Variants in MARCHF1 observed in about 807,000 individuals in gnomAD.
MARCHF1 encodes the protein membrane associated ring-CH-type finger 1.
A neutral mutation model predicts 54.2 loss-of-function variants in MARCHF1; 40 were observed. The ratio of observed to expected loss-of-function variants is 0.74; its 90% confidence interval spans 0.57 to 0.96. The LOEUF (loss-of-function observed/expected upper bound fraction) is 0.96, where lower values mean the gene tolerates loss of function less well. MARCHF1 is among the 40% of genes least tolerant of loss of function. MARCHF1 has a pLI of 0.00. For synonymous variants in MARCHF1, 236 were observed against 236.3 expected, an observed-to-expected ratio of 1.00 and a Z score of 0.01; for missense variants, 586 against 656.5, an observed-to-expected ratio of 0.89 and a Z score of 1.17.
chr4:163,541,397 C>T (rs1349780782), intron 9 of MARCHF1, among the ~76,000 whole-genome samples: 3 of 152,172 alleles, frequency 2.0e-5, no homozygotes, highest in Non-Finnish European at 4.4e-5. Flanking sequence ...TGTTTATACA[C>T]AGATAATATA....
chr4:164,333,375 G>A (rs1303080922), intron 1 of MARCHF1, among the ~76,000 whole-genome samples: 2 of 152,094 alleles, frequency 1.3e-5, no homozygotes, highest in Non-Finnish European at 1.5e-5. Context: ...AAGTCTATCA[G>A]CACCATTTTT....
intron 4 of MARCHF1, among the ~76,000 whole-genome samples, chr4:163,804,551 G>A (rs908625906): frequency 2.0e-5 from 3 of 152,136 alleles, no homozygotes; most frequent in African/African-American, 7.2e-5. Context: ...AGACTCAGTG[G>A]TCTATAAGTA....
Position 164,274,946 on chromosome 4 carries a change from A to G in MARCHF1, c.-323+108924T>C, listed in dbSNP as rs528046416. 1.9e-3 allele frequency among the ~76,000 whole-genome samples: 282 copies of G among 151,248 alleles called. 2 individuals carry two copies. Among genetic ancestry groups the G allele is most frequent in the African/African-American group, 6.3e-3 (259 of 41,368 alleles). ...CCGCCTCGGCCTCCCAAAGTGCTGG[A>G]ATTACAGGCGTAAGCCACCACGCCC... is the stretch of plus-strand genomic sequence containing the variant. On this transcript the variant is annotated intron_variant, in intron 1 of 9. Coordinates refer to ENST00000514618, the MANE Select transcript of MARCHF1 (RefSeq NM_001394959.1).
At chr4:163,595,945 T>C (rs192672294) in intron 7 of MARCHF1, among the ~76,000 whole-genome samples, 12 of 151,920 alleles carry the variant, frequency 7.9e-5, no homozygotes, top group African/African-American at 2.7e-4. Context: ...AATAAACTAT[T>C]TGCCCATAAA....
chr4:163,926,476 T>C (rs1751541109), intron 3 of MARCHF1, among the ~76,000 whole-genome samples: 1 of 151,610 alleles, frequency 6.6e-6, no homozygotes, highest in South Asian at 2.1e-4. Context: ...GGTGAACATA[T>C]ACTCTTAACT....
intron 1 of MARCHF1, among the ~76,000 whole-genome samples, chr4:164,160,574 G>T (rs941834126): frequency 1.3e-5 from 2 of 152,036 alleles, no homozygotes; most frequent in Non-Finnish European, 2.9e-5. Flanking sequence ...AAAATGTTTT[G>T]CATTTAAAAC....
chr4:164,308,638 A>C (rs1017684287), intron 1 of MARCHF1, among the ~76,000 whole-genome samples: 3 of 152,128 alleles, frequency 2.0e-5, no homozygotes, highest in Admixed American at 6.5e-5. Flanking sequence ...AGAATTAAAA[A>C]CTTTTAAAAA....
chr4:164,084,599 A>T (rs995046082), intron 2 of MARCHF1, among the ~76,000 whole-genome samples: 2 of 151,902 alleles, frequency 1.3e-5, no homozygotes, highest in African/African-American at 4.8e-5. Flanking sequence ...CTACCATTTT[A>T]TATAAATTCT....
In MARCHF1 at chr4:164,332,929, A is replaced by G. The variant is rs527605117; in HGVS notation, c.-323+50941T>C. Reference sequence around the variant, plus strand: ...GAAAGTATATAGTAAAGTATAATGAAAGTATACAAATATACTTTCATTATT... The same window carrying G: ...GAAAGTATATAGTAAAGTATAATGAGAGTATACAAATATACTTTCATTATT... On this transcript the variant is annotated intron_variant, in intron 1 of 9. Transcript: ENST00000514618. 5.3e-5 allele frequency among the ~76,000 whole-genome samples: 8 copies of G among 152,264 alleles called. No individual in the cohort carries two copies. The South Asian group carries it at 1.7e-3, about 32-fold the overall frequency.
chr4:164,254,999 T>C (rs11942509), intron 1 of MARCHF1, among the ~76,000 whole-genome samples: 17,742 of 152,050 alleles, frequency 0.12, 1,619 homozygotes, highest in African/African-American at 0.25. Flanking sequence ...CTCACCTCAG[T>C]CTCCCAAAGT....
At chr4:164,300,176 T>C (rs1390430431) in intron 1 of MARCHF1, among the ~76,000 whole-genome samples, 1 of 152,154 alleles carries the variant, frequency 6.6e-6, no homozygotes, top group Non-Finnish European at 1.5e-5. Context: ...CTTCCATCAC[T>C]GTAGAACATC....
intron 4 of MARCHF1, among the ~76,000 whole-genome samples, chr4:163,833,664 T>A (rs977278824): frequency 2.1e-4 from 32 of 152,126 alleles, no homozygotes; most frequent in Non-Finnish European, 4.4e-4. Context: ...AAAACCAAAA[T>A]ATTATTTATT....
intron 2 of MARCHF1, among the ~76,000 whole-genome samples, chr4:164,000,042 C>A (rs1181599358): frequency 6.6e-6 from 1 of 151,520 alleles, no homozygotes; most frequent in Non-Finnish European, 1.5e-5. Flanking sequence ...ATTACACTGC[C>A]CTTGAAATCC....
At chr4:164,026,012 T>A (rs932376591) in intron 2 of MARCHF1, among the ~76,000 whole-genome samples, 1 of 151,772 alleles carries the variant, frequency 6.6e-6, no homozygotes, top group Non-Finnish European at 1.5e-5. Context: ...CCTCCCAAGA[T>A]TGAACCAGGA....
At chr4:164,120,508 T>C (rs1309387568) in intron 1 of MARCHF1, among the ~76,000 whole-genome samples, 1 of 152,116 alleles carries the variant, frequency 6.6e-6, no homozygotes, top group Non-Finnish European at 1.5e-5. Context: ...TACAGAACAT[T>C]TCATCCAAGA....
At chr4:164,321,084 G>A (rs574708885) in intron 1 of MARCHF1, among the ~76,000 whole-genome samples, 79 of 152,270 alleles carry the variant, frequency 5.2e-4, no homozygotes, top group Admixed American at 1.3e-3. Context: ...CTCCAACAGC[G>A]AGGATTTTTA....
chr4:163,786,117 C>T (rs1400655314), intron 4 of MARCHF1, among the ~76,000 whole-genome samples: 2 of 151,932 alleles, frequency 1.3e-5, no homozygotes, highest in African/African-American at 4.8e-5. Context: ...TTCAGTCCTT[C>T]GGACACCTTG....
intron 5 of MARCHF1, among the ~76,000 whole-genome samples, chr4:163,641,111 T>G (rs1417949042): frequency 6.6e-6 from 1 of 152,110 alleles, no homozygotes; most frequent in Non-Finnish European, 1.5e-5. Flanking sequence ...ATCTGGCAAA[T>G]ATACTACATT....
At chr4:163,883,602 A>C (rs1461477401) in intron 3 of MARCHF1, among the ~76,000 whole-genome samples, 1 of 152,230 alleles carries the variant, frequency 6.6e-6, no homozygotes, top group Non-Finnish European at 1.5e-5. Flanking sequence ...TTCCTGAAGC[A>C]TACAGATAGG....
Sources: gnomAD v4.1 joint callset for allele counts (sites outside exome capture counted in the v4.1 genomes callset) on GRCh38, gnomAD v4.1.1 for gene constraint, MANE v1.5 for transcripts, NCBI Gene and HGNC (gene_info 2026-07-23, HGNC 2026-07-21) for gene names.